The following MEF2A variants were observed in gnomAD, a reference collection of about 807,000 sequenced individuals.
The protein encoded by MEF2A is myocyte-specific enhancer factor 2A.
Under a neutral mutation model 55.8 loss-of-function variants are expected in MEF2A, and 28 were observed. The observed-to-expected ratio is 0.50, with a 90% CI of 0.37 to 0.69. MEF2A has a LOEUF of 0.69. Ranked by LOEUF, MEF2A falls within the 30% of genes least tolerant of loss-of-function variation. The probability of loss-of-function intolerance (pLI) is 0.00; values close to 1 mark genes in which losing one functional copy is unlikely to be tolerated. For missense variants in MEF2A, 528 were observed against 626.2 expected (o/e 0.84, Z 1.67); for synonymous variants, 239 against 227.1 (o/e 1.05, Z -0.47).
chr15:99,691,971 C>T (rs1018264378), intron 8 of MEF2A, among the ~76,000 whole-genome samples: 1 of 152,038 alleles, frequency 6.6e-6, no homozygotes, highest in Non-Finnish European at 1.5e-5. Context: ...AGAAAAAAAA[C>T]TAGAATATAT....
At chr15:99,702,400 T>C (rs1181138349) in intron 8 of MEF2A, among the ~76,000 whole-genome samples, 1 of 151,768 alleles carries the variant, frequency 6.6e-6, no homozygotes, top group East Asian at 1.9e-4. Flanking sequence ...ATTTTCTAAA[T>C]GTTATGGAGA....
chr15:99,597,761 C>T (rs1009344645), intron 1 of MEF2A, among the ~76,000 whole-genome samples: 10 of 152,258 alleles, frequency 6.6e-5, no homozygotes, highest in Admixed American at 6.5e-4. Flanking sequence ...CTTTATTTCT[C>T]AAGCTGGCCG....
chr15:99,647,247 C>T (rs1446261166), intron 4 of MEF2A, among the ~76,000 whole-genome samples: 6 of 152,022 alleles, frequency 3.9e-5, no homozygotes, highest in African/African-American at 1.2e-4. Context: ...TGTTAAGAGA[C>T]TTCATAACTG....
chr15:99,633,483 AT>A (rs1416464994), intron 3 of MEF2A, among the ~76,000 whole-genome samples: 4 of 152,078 alleles, frequency 2.6e-5, no homozygotes, highest in Non-Finnish European at 5.9e-5. Flanking sequence ...ATTTGATTAT[AT>A]ATTTGACTGT....
At chr15:99,587,451 T>TA in intron 1 of MEF2A, among the ~76,000 whole-genome samples, 1 of 152,342 alleles carries the variant, frequency 6.6e-6, no homozygotes, top group East Asian at 1.9e-4. Context: ...TATAAATTTT[T>TA]AGTTTTTTTG....
At chr15:99,711,515 G>T (rs75888383) in intron 11 of MEF2A, among the ~76,000 whole-genome samples, 1 of 152,196 alleles carries the variant, frequency 6.6e-6, no homozygotes, top group South Asian at 2.1e-4. Context: ...CCATGGAGCA[G>T]TTGGAGGAGA....
intron 8 of MEF2A, among the ~76,000 whole-genome samples, chr15:99,697,718 A>G (rs2056712888): frequency 6.6e-6 from 1 of 152,206 alleles, no homozygotes. Flanking sequence ...TGTAGTTACT[A>G]ACAAGCTGAT....
intron 4 of MEF2A, among the ~76,000 whole-genome samples, chr15:99,652,173 G>A (rs911943794): frequency 6.6e-6 from 1 of 152,192 alleles, no homozygotes; most frequent in African/African-American, 2.4e-5. Context: ...CCCCAACCTT[G>A]TTGGCACCAG....
At chr15:99,682,768 A>G (rs28603011) in intron 7 of MEF2A, among the ~76,000 whole-genome samples, 2 of 152,242 alleles carry the variant, frequency 1.3e-5, no homozygotes, top group African/African-American at 4.8e-5. Context: ...CTAAAGCACC[A>G]TAGACTGCAC....
intron 7 of MEF2A, among the ~76,000 whole-genome samples, chr15:99,675,941 G>A (rs1201911350): frequency 6.6e-6 from 1 of 152,048 alleles, no homozygotes; most frequent in South Asian, 2.1e-4. Flanking sequence ...TCGGGAGGCC[G>A]AGGGAGGAGA....
intron 9 of MEF2A, among the ~76,000 whole-genome samples, chr15:99,705,564 T>G (rs1443882856): frequency 6.6e-6 from 1 of 152,170 alleles, no homozygotes; most frequent in Non-Finnish European, 1.5e-5. Flanking sequence ...TACATCCACA[T>G]CCACATGATC....
chr15:99,670,854 T>G (rs914103383), intron 4 of MEF2A, among the ~76,000 whole-genome samples: 1 of 152,368 alleles, frequency 6.6e-6, no homozygotes, highest in Middle Eastern at 3.4e-3. Context: ...TTGTGCTGAT[T>G]CTTTCTGTTG....
chr15:99,599,588 C>T (rs1473102701), intron 2 of MEF2A, among the ~76,000 whole-genome samples: 4 of 151,994 alleles, frequency 2.6e-5, no homozygotes, highest in Non-Finnish European at 5.9e-5. Flanking sequence ...TGAAGAACAG[C>T]CCATTTAATG....
chr15:99,575,485 A>G (rs1304652560), intron 1 of MEF2A, among the ~76,000 whole-genome samples: 1 of 152,172 alleles, frequency 6.6e-6, no homozygotes, highest in Non-Finnish European at 1.5e-5. Flanking sequence ...GTGATGGTAT[A>G]TCCTCAGTGC....
chr15:99,697,343 A>G (rs1435339538), intron 8 of MEF2A, among the ~76,000 whole-genome samples: 3 of 152,122 alleles, frequency 2.0e-5, no homozygotes, highest in Non-Finnish European at 4.4e-5. Flanking sequence ...AAAAGTGTAA[A>G]GAAATTACAA....
chr15:99,636,998 T>C (rs1443286913), intron 3 of MEF2A, among the ~76,000 whole-genome samples: 1 of 152,190 alleles, frequency 6.6e-6, no homozygotes, highest in Non-Finnish European at 1.5e-5. Context: ...AGTAACCATA[T>C]GTGTGTGAAA....
At chr15:99,663,770 TAAAAA>T (rs1238737307) in intron 4 of MEF2A, among the ~76,000 whole-genome samples, 3 of 152,108 alleles carry the variant, frequency 2.0e-5, no homozygotes, top group African/African-American at 7.2e-5. Flanking sequence ...TCAACATACT[TAAAAA>T]AAAGTTTATA....
In MEF2A at chr15:99,602,653, G is replaced by GGTGGGT. The variant is rs1555454714; in HGVS notation, c.-143+4145_-143+4146insGGTGTG. ...CCTGGTGGTTGCCTGACATTCCTGG[G>GGTGGGT]GTGTGTGTGTGTGTGTGTGTGTGTG... On this transcript the variant is annotated intron_variant, in intron 2 of 11. Coordinates refer to ENST00000557942, the MANE Select transcript of MEF2A (RefSeq NM_001319206.4). Among the ~76,000 whole-genome samples the GGTGGGT allele has an allele frequency of 5.8e-4, 26 of 44,870 alleles. 1 individual carries two copies. Among genetic ancestry groups the GGTGGGT allele is most frequent in the African/African-American group, 1.6e-3 (23 of 14,216 alleles). 29.4% of individuals were successfully genotyped at this position (44,870 alleles called of 152,430 possible). A position where few individuals can be genotyped will look rare whatever the true frequency, so the allele number is the denominator to read the frequency against.
intron 1 of MEF2A, among the ~76,000 whole-genome samples, chr15:99,593,245 G>T (rs529405084): frequency 4.6e-5 from 7 of 152,112 alleles, no homozygotes; most frequent in Non-Finnish European, 7.4e-5. Context: ...CTTGTACTCC[G>T]TGAGTCTCCG....
Sources: gnomAD v4.1 joint callset for allele counts (sites outside exome capture counted in the v4.1 genomes callset) on GRCh38, gnomAD v4.1.1 for gene constraint, MANE v1.5 for transcripts, NCBI Gene and HGNC (gene_info 2026-07-23, HGNC 2026-07-21) for gene names.